XPO6: variants seen among roughly 807,000 people sequenced by gnomAD.
The protein encoded by XPO6 is exportin 6.
Under a neutral mutation model 130.0 loss-of-function variants are expected in XPO6, and 3 were observed. The ratio of observed to expected loss-of-function variants is 0.02; its 90% CI spans 0.01 to 0.06. XPO6 has a LOEUF of 0.06. Ranked by LOEUF, XPO6 falls within the 10% of genes least tolerant of loss-of-function variation. XPO6 has a pLI of 1.00. For synonymous variants in XPO6, 524 were observed against 548.9 expected, an observed-to-expected ratio of 0.95 and a Z score of 0.63; for missense variants, 970 against 1,393.0, an observed-to-expected ratio of 0.70 and a Z score of 4.83.
At position 28,181,400 on chromosome 16, in the gene XPO6, T is replaced by C. The variant is rs1596944864; in HGVS notation, c.4-369A>G. On this transcript the variant is annotated intron_variant, in intron 1 of 23. Transcript: ENST00000304658. ...AAGAAGGCCAGAACTCCTCATAGAC[T>C]ATTCATCCCTGATACATTTCCCCTG... 4.6e-5 allele frequency among the ~76,000 whole-genome samples: 7 copies of C among 152,214 alleles called. No homozygotes were observed. The South Asian group carries it at 1.2e-3, about 27-fold the overall frequency.
intron 6 of XPO6, among the ~76,000 whole-genome samples, chr16:28,162,806 TC>T (rs1029271650): frequency 6.6e-6 from 1 of 152,128 alleles, no homozygotes; most frequent in African/African-American, 2.4e-5. Context: ...TCCTCTCACC[TC>T]GGCCCCCCAA....
At chr16:28,169,062 A>C (rs2043408287) in intron 5 of XPO6, among the ~76,000 whole-genome samples, 1 of 152,218 alleles carries the variant, frequency 6.6e-6, no homozygotes, top group Non-Finnish European at 1.5e-5. Flanking sequence ...TTTTCACTAC[A>C]AGATTCCCTC....
In XPO6 at chr16:28,107,604, C is replaced by G. The variant is rs1193646852; in HGVS notation, c.2415G>C (p.Lys805Asn). The change falls in exon 18 of 24, where the codon AAG (lysine) becomes AAC (asparagine). Residue 805 changes from lysine to asparagine, a missense_variant. By Grantham distance (94) the Lys-to-Asn change is moderately conservative. Around this residue, in one of 4 missense-constraint regions of XPO6, gnomAD observed 936 missense variants for 1,306.8 expected, o/e 0.72. Coordinates refer to ENST00000304658, the MANE Select transcript of XPO6 (RefSeq NM_015171.4). ...IVENISGEST[K>N]SRQICYQSLQ... The stretch of plus-strand genomic sequence containing the variant: ...GCGACTGGTAGCAAATCTGTCGAGA[C>G]TTGGTGGACTCCCCCGAGATATTCT... 1.2e-6 allele frequency: 2 copies of G among 1,614,062 alleles called. No individual in the cohort carries two copies. The highest frequency in any genetic ancestry group is 1.7e-6 in the Non-Finnish European group (2 of 1,180,012).
intron 9 of XPO6, among the ~76,000 whole-genome samples, chr16:28,137,610 T>C (rs1347588877): frequency 6.6e-6 from 1 of 151,566 alleles, no homozygotes; most frequent in Non-Finnish European, 1.5e-5. Flanking sequence ...CCTCCTGGAT[T>C]GTCCCATTTC....
chr16:28,198,322 T>C (rs946305094), intron 1 of XPO6, among the ~76,000 whole-genome samples: 4 of 103,848 alleles, frequency 3.9e-5, no homozygotes, highest in African/African-American at 5.4e-5. Context: ...TTGAATCCAA[T>C]GGTGGTAATT....
intron 9 of XPO6, among the ~76,000 whole-genome samples, chr16:28,139,477 C>G (rs2042845003): frequency 6.6e-6 from 1 of 152,154 alleles, no homozygotes. Flanking sequence ...GAAGGAAAAG[C>G]AAGAGAAATG....
intron 6 of XPO6, among the ~76,000 whole-genome samples, chr16:28,166,122 T>C (rs2043352267): frequency 6.6e-6 from 1 of 152,124 alleles, no homozygotes; most frequent in Non-Finnish European, 1.5e-5. Flanking sequence ...TTGGCCAACA[T>C]GAATCCAGTG....
At chr16:28,204,167 T>C (rs1217999555) in intron 1 of XPO6, among the ~76,000 whole-genome samples, 1 of 152,132 alleles carries the variant, frequency 6.6e-6, no homozygotes, top group African/African-American at 2.4e-5. Context: ...TTGGGATACA[T>C]GAACAAAAGA....
intron 15 of XPO6, among the ~76,000 whole-genome samples, chr16:28,115,011 C>G (rs1474249327): frequency 1.3e-5 from 2 of 152,332 alleles, no homozygotes; most frequent in South Asian, 2.1e-4. Context: ...CAATTCCATC[C>G]CATCTTCAGA....
At chr16:28,190,250 T>C (rs1437668227) in intron 1 of XPO6, among the ~76,000 whole-genome samples, 1 of 151,748 alleles carries the variant, frequency 6.6e-6, no homozygotes, top group Non-Finnish European at 1.5e-5. Context: ...AGACTGAGTT[T>C]AGCTCTATCG....
intron 17 of XPO6, among the ~76,000 whole-genome samples, chr16:28,108,119 C>T (rs537549093): frequency 6.8e-4 from 104 of 152,254 alleles, no homozygotes; most frequent in Non-Finnish European, 1.4e-3. Flanking sequence ...CAGCTCAAAC[C>T]TTGTCACTCA....
rs778368089 is a variant in XPO6 at position 28,197,989 on chromosome 16, A to AAAAAC, written c.3+13376_3+13377insGTTTT. Reference sequence around the variant, plus strand: ...TAAAAAAAAAAAAAAAAAAAAAAAAACCCTCATACCCTTGGGCCCTTCTGG... The same window carrying AAAAAC: ...TAAAAAAAAAAAAAAAAAAAAAAAAAAAAACCCCTCATACCCTTGGGCCCTTCTGG... On this transcript the variant is annotated intron_variant, in intron 1 of 23. Transcript: ENST00000304658. Among the ~76,000 whole-genome samples, 7 of 92,990 alleles carry AAAAAC rather than the reference A, an allele frequency of 7.5e-5. 1 individual carries two copies. Among genetic ancestry groups the AAAAAC allele is most frequent in the Non-Finnish European group, 1.2e-4 (6 of 50,580 alleles). The allele number at this position is 92,990 out of a possible 152,430, so 61.0% of individuals were successfully genotyped here. A position where few individuals can be genotyped will look rare whatever the true frequency, so the allele number is the denominator to read the frequency against.
At chr16:28,137,290 C>T (rs1416648140) in intron 9 of XPO6, among the ~76,000 whole-genome samples, 1 of 152,258 alleles carries the variant, frequency 6.6e-6, no homozygotes, top group Admixed American at 6.5e-5. Flanking sequence ...ACAGCCCCAG[C>T]TTCTTGCCTT....
At chr16:28,118,782 T>C (rs1186091388) in intron 14 of XPO6, among the ~76,000 whole-genome samples, 2 of 152,332 alleles carry the variant, frequency 1.3e-5, no homozygotes, top group East Asian at 3.9e-4. Context: ...TCAAGCTGGG[T>C]CCTGCATCCT....
At chr16:28,129,373 C>T (rs1173176451) in intron 12 of XPO6, among the ~76,000 whole-genome samples, 3 of 152,174 alleles carry the variant, frequency 2.0e-5, no homozygotes. Flanking sequence ...CTGTTCAGAT[C>T]CACCCACACT....
chr16:28,197,200 T>C (rs1285363589), intron 1 of XPO6, among the ~76,000 whole-genome samples: 1 of 151,968 alleles, frequency 6.6e-6, no homozygotes, highest in African/African-American at 2.4e-5. Flanking sequence ...TGCAGTGAGC[T>C]GAGATCACGC....
chr16:28,171,132 C>T (rs1415022430), intron 4 of XPO6, among the ~76,000 whole-genome samples: 1 of 150,504 alleles, frequency 6.6e-6, no homozygotes, highest in Non-Finnish European at 1.5e-5. Flanking sequence ...GAGCAGAACA[C>T]TCAGGAACTG....
rs2043186857 is a variant in XPO6 at position 28,156,541 on chromosome 16, A to T, written c.644-14T>A. 1 of 1,525,818 alleles carries T rather than the reference A, an allele frequency of 6.6e-7. No individual in the cohort carries two copies. Among genetic ancestry groups the T allele is most frequent in the Non-Finnish European group, 8.8e-7 (1 of 1,136,674 alleles). 94.5% of individuals were successfully genotyped at this position (1,525,818 alleles called of 1,614,324 possible). On this transcript the variant is annotated splice_polypyrimidine_tract_variant and intron_variant, in intron 6 of 23. Coordinates refer to ENST00000304658, the MANE Select transcript of XPO6 (RefSeq NM_015171.4). ...TCAGTAAGTCACCTGAAAATAAGAA[A>T]GGCTTTTAAGCTATCCAGCATCAAA...
At chr16:28,102,772 C>T (rs1258084628) in intron 21 of XPO6, among the ~76,000 whole-genome samples, 1 of 151,998 alleles carries the variant, frequency 6.6e-6, no homozygotes, top group Non-Finnish European at 1.5e-5. Flanking sequence ...ATTACTAGTT[C>T]AGGGGCAAAA....
Sources: gnomAD v4.1 joint callset for allele counts (sites outside exome capture counted in the v4.1 genomes callset) on GRCh38, gnomAD v4.1.1 for gene constraint, gnomAD v4.1.1 regional missense constraint, MANE v1.5 for transcripts, NCBI Gene and HGNC (gene_info 2026-07-23, HGNC 2026-07-21) for gene names.